The following NBEA variants were observed in gnomAD, a reference collection of about 807,000 sequenced individuals.
NBEA encodes the protein lysosomal-trafficking regulator 2.
NBEA carries 44 observed loss-of-function variants against 343.4 expected under a neutral mutation model. The ratio of observed to expected loss-of-function variants is 0.13; its 90% CI spans 0.10 to 0.16. NBEA has a LOEUF of 0.16. NBEA is among the 10% of genes least tolerant of loss of function. The pLI is 1.00. For missense variants in NBEA, 2,555 were observed against 3,631.3 expected (o/e 0.70, Z 7.62); for synonymous variants, 1,175 against 1,238.7 (o/e 0.95, Z 1.08).
At chr13:35,023,174 A>C (rs915409858) in intron 1 of NBEA, among the ~76,000 whole-genome samples, 3 of 152,128 alleles carry the variant, frequency 2.0e-5, no homozygotes, top group Non-Finnish European at 4.4e-5. Context: ...CTAAAAGGAT[A>C]ATATGGTGGC....
At chr13:35,264,751 A>G (rs2033523340) in intron 34 of NBEA, among the ~76,000 whole-genome samples, 1 of 151,938 alleles carries the variant, frequency 6.6e-6, no homozygotes, top group African/African-American at 2.4e-5. Flanking sequence ...CCTCAACACA[A>G]TAATGGGCAT....
chr13:34,992,254 A>ATATG, intron 1 of NBEA, among the ~76,000 whole-genome samples: 1 of 135,206 alleles, frequency 7.4e-6, no homozygotes, highest in Non-Finnish European at 1.6e-5. Flanking sequence ...ATATATATAT[A>ATATG]TATATATATT....
In NBEA at chr13:35,579,007, G is replaced by A. The variant is rs531620061; in HGVS notation, c.7036-4891G>A. ...CGTATGTGTGGAATTTTCCACTTAT[G>A]GTGTCATGTTGGCATGCAAAAGGTT... On this transcript the variant is annotated intron_variant, in intron 45 of 58. Transcript: ENST00000379939. Among the ~76,000 whole-genome samples the A allele has an allele frequency of 2.6e-5, 4 of 151,668 alleles. No homozygotes were observed. The East Asian group carries it at 7.7e-4, about 29-fold the overall frequency.
At chr13:35,571,792 AT>A (rs2080438639) in intron 45 of NBEA, among the ~76,000 whole-genome samples, 1 of 152,162 alleles carries the variant, frequency 6.6e-6, no homozygotes, top group Non-Finnish European at 1.5e-5. Flanking sequence ...TATTTGAGTT[AT>A]CAAATTATCA....
At chr13:35,530,676 G>T (rs2078217740) in intron 41 of NBEA, among the ~76,000 whole-genome samples, 5 of 152,070 alleles carry the variant, frequency 3.3e-5, no homozygotes, top group Admixed American at 3.3e-4. Flanking sequence ...GTTATTGAGG[G>T]CTTAAAAGAA....
In NBEA at chr13:34,975,140, C is replaced by A. The variant is rs1294158352; in HGVS notation, c.294+32026C>A. On this transcript the variant is annotated intron_variant, in intron 1 of 58. Coordinates refer to ENST00000379939, the MANE Select transcript of NBEA (RefSeq NM_001385012.1). Reference sequence around the variant, plus strand: ...AGCCTTTTACTGGTTTTCTTCCTAACAGACATAATTTCTTAAGTTCTGTGA... The same window carrying A: ...AGCCTTTTACTGGTTTTCTTCCTAAAAGACATAATTTCTTAAGTTCTGTGA... 2.0e-5 allele frequency among the ~76,000 whole-genome samples: 3 copies of A among 152,140 alleles called. No individual in the cohort carries two copies. The South Asian group carries it at 6.2e-4, about 32-fold the overall frequency.
At chr13:35,409,496 TAA>T (rs201593641) in intron 38 of NBEA, among the ~76,000 whole-genome samples, 1 of 151,816 alleles carries the variant, frequency 6.6e-6, no homozygotes, top group African/African-American at 2.4e-5. Flanking sequence ...ACTTAAAAGT[TAA>T]AAAAAACTAC....
chr13:35,164,158 A>G (rs2069803897), intron 23 of NBEA, among the ~76,000 whole-genome samples, 198 bp from the exon 24 acceptor site: 2 of 152,144 alleles, frequency 1.3e-5, no homozygotes, highest in African/African-American at 4.8e-5. Context: ...ATATACTTGG[A>G]TACAACAAAA....
At chr13:35,659,420 C>T (rs550441453) in intron 55 of NBEA, among the ~76,000 whole-genome samples, 9 of 152,236 alleles carry the variant, frequency 5.9e-5, no homozygotes, top group Admixed American at 4.6e-4. Flanking sequence ...CTTGCATTGT[C>T]ATTATTATAT....
intron 30 of NBEA, among the ~76,000 whole-genome samples, chr13:35,190,352 G>T (rs1411983903): frequency 1.3e-5 from 2 of 152,102 alleles, no homozygotes; most frequent in East Asian, 1.9e-4. Context: ...GCCCAGGGAA[G>T]ACCTGAGAAG....
At chr13:35,354,633 T>C (rs2040392779) in intron 38 of NBEA, among the ~76,000 whole-genome samples, 2 of 152,142 alleles carry the variant, frequency 1.3e-5, no homozygotes, top group Admixed American at 6.6e-5. Flanking sequence ...TTTATGATCA[T>C]TTACTAACTG....
At chr13:35,375,974 G>A (rs780108414) in intron 38 of NBEA, among the ~76,000 whole-genome samples, 1 of 152,134 alleles carries the variant, frequency 6.6e-6, no homozygotes, top group African/African-American at 2.4e-5. Context: ...TTTATGAGGG[G>A]AAATTGTCTA....
chr13:35,275,695 G>T (rs573335255), intron 34 of NBEA, among the ~76,000 whole-genome samples: 1 of 152,022 alleles, frequency 6.6e-6, no homozygotes, highest in Non-Finnish European at 1.5e-5. Flanking sequence ...GTGGCCAAAG[G>T]ATATCAACAG....
At chr13:35,154,670 C>T (rs1566373993) in intron 18 of NBEA, among the ~76,000 whole-genome samples, 2 of 152,144 alleles carry the variant, frequency 1.3e-5, no homozygotes, top group Non-Finnish European at 2.9e-5. Context: ...TGTTCAAAAT[C>T]CTGCTCCCAC....
intron 41 of NBEA, among the ~76,000 whole-genome samples, chr13:35,478,477 C>T (rs2152964127): frequency 6.6e-6 from 1 of 152,374 alleles, no homozygotes; most frequent in Middle Eastern, 3.4e-3. Flanking sequence ...ACGCCGCCTT[C>T]TGCCCTCACC....
At chr13:35,491,583 A>G (rs1310752675) in intron 41 of NBEA, among the ~76,000 whole-genome samples, 2 of 151,856 alleles carry the variant, frequency 1.3e-5, no homozygotes, top group African/African-American at 4.8e-5. Context: ...CAGAGTGTCA[A>G]CAAATCCTCC....
At chr13:35,010,019 CAGA>C (rs1261825270) in intron 1 of NBEA, among the ~76,000 whole-genome samples, 1 of 152,068 alleles carries the variant, frequency 6.6e-6, no homozygotes, top group Admixed American at 6.6e-5. Context: ...GTGGGATAGG[CAGA>C]AGATCAAGAG....
chr13:35,329,793 T>C (rs1428125281), intron 36 of NBEA, among the ~76,000 whole-genome samples: 1 of 151,482 alleles, frequency 6.6e-6, no homozygotes, highest in Admixed American at 6.6e-5. Context: ...TTTAAAGGGT[T>C]AATTATATTA....
chr13:35,296,285 G>C (rs1235719738), intron 35 of NBEA, among the ~76,000 whole-genome samples: 1 of 151,628 alleles, frequency 6.6e-6, no homozygotes, highest in Non-Finnish European at 1.5e-5. Flanking sequence ...GGTGACTGAG[G>C]CAGGAGAATC....
Sources: gnomAD v4.1 joint callset for allele counts (sites outside exome capture counted in the v4.1 genomes callset) on GRCh38, gnomAD v4.1.1 for gene constraint, MANE v1.5 for transcripts, NCBI Gene and HGNC (gene_info 2026-07-23, HGNC 2026-07-21) for gene names.